The following PCDH11X variants were observed in gnomAD, a reference collection of about 807,000 sequenced individuals.
The protein encoded by PCDH11X is protocadherin-11 X-linked.
A neutral mutation model predicts 53.3 loss-of-function variants in PCDH11X; 18 were observed. The observed-to-expected ratio is 0.34, with a 90% CI of 0.23 to 0.50. The LOEUF is 0.50. Among genes scored for constraint, PCDH11X ranks in the 20% least tolerant of loss-of-function variants. PCDH11X has a pLI of 0.98. For missense variants in PCDH11X, 570 were observed against 1,032.4 expected (o/e 0.55, Z 6.14); for synonymous variants, 279 against 393.3 (o/e 0.71, Z 3.44).
intron 6 of PCDH11X, among the ~76,000 whole-genome samples, chrX:92,142,365 C>CGT (rs1569384014): frequency 2.8e-5 from 2 of 70,955 alleles, no homozygotes; most frequent in East Asian, 7.6e-4. Flanking sequence ...TGCATGTGCG[C>CGT]GCGCGCACAC....
chrX:92,218,604 A>T, intron 7 of PCDH11X, among the ~76,000 whole-genome samples: 1 of 111,364 alleles, frequency 9.0e-6, no homozygotes, highest in Non-Finnish European at 1.9e-5. Flanking sequence ...TCACAGCCGA[A>T]TTCTACCAGA....
chrX:92,272,823 G>A (rs767560205), intron 8 of PCDH11X, among the ~76,000 whole-genome samples: 22 of 112,245 alleles, frequency 2.0e-4, no homozygotes, highest in African/African-American at 6.5e-4. Flanking sequence ...TTCAAGGACC[G>A]CATTGTCTAG....
chrX:92,101,686 T>C (rs1035132032), intron 6 of PCDH11X, among the ~76,000 whole-genome samples: 1 of 110,213 alleles, frequency 9.1e-6, no homozygotes, highest in South Asian at 3.8e-4. Flanking sequence ...CTTTACTTAT[T>C]CAGTGAAAGT....
In PCDH11X at chrX:92,535,103, A is replaced by C. The variant is rs533345862; in HGVS notation, c.3367+66781A>C. 5.6e-4 allele frequency among the ~76,000 whole-genome samples: 63 copies of C among 112,401 alleles called. No homozygotes were observed. In the South Asian group the frequency reaches 0.01, roughly 18 times the overall value. On this transcript the variant is annotated intron_variant, in intron 10 of 10. Transcript: ENST00000682573. The stretch of plus-strand genomic sequence containing the variant: ...TGTAAATTAGCTCAACCATTGTGGA[A>C]AGTAGTGTGGTGATTCCTCAAAGAG...
chrX:92,566,087 A>C (rs1241751192), intron 10 of PCDH11X, among the ~76,000 whole-genome samples: 2 of 109,846 alleles, frequency 1.8e-5, no homozygotes, highest in Non-Finnish European at 3.8e-5. Context: ...ATTTCACAGG[A>C]AAAGTTCAAT....
intron 6 of PCDH11X, among the ~76,000 whole-genome samples, chrX:92,162,191 A>ATTT (rs36065112): frequency 1.2e-5 from 1 of 85,593 alleles, no homozygotes; most frequent in Non-Finnish European, 2.3e-5. Flanking sequence ...TGCTGTTTAG[A>ATTT]TTTTTTTTTT....
chrX:92,342,963 T>C (rs973250633), intron 8 of PCDH11X, among the ~76,000 whole-genome samples: 24 of 112,496 alleles, frequency 2.1e-4, no homozygotes, highest in African/African-American at 7.4e-4. Flanking sequence ...TGCTCTCCAA[T>C]TGCTAATATG....
At chrX:92,075,574 C>T (rs1346493104) in intron 6 of PCDH11X, among the ~76,000 whole-genome samples, 1 of 111,883 alleles carries the variant, frequency 8.9e-6, no homozygotes, top group East Asian at 2.8e-4. Flanking sequence ...TAAAGTGACT[C>T]AGACTAGGTA....
At chrX:92,263,394 A>T (rs1435795022) in intron 8 of PCDH11X, among the ~76,000 whole-genome samples, 1 of 111,831 alleles carries the variant, frequency 8.9e-6, no homozygotes, top group African/African-American at 3.2e-5. Context: ...AAAACAACAT[A>T]CTGTTGACAG....
At chrX:92,295,739 TTG>T (rs58402010) in intron 8 of PCDH11X, among the ~76,000 whole-genome samples, 3,044 of 71,464 alleles carry the variant, frequency 0.043, 143 homozygotes, top group East Asian at 0.26. Context: ...ACAGGTGTGT[TTG>T]TGTGTGTGTG....
At chrX:92,446,744 A>T (rs2072657621) in intron 9 of PCDH11X, among the ~76,000 whole-genome samples, 1 of 111,790 alleles carries the variant, frequency 8.9e-6, no homozygotes, top group African/African-American at 3.3e-5. Flanking sequence ...TGCTGAAAAG[A>T]TACCCGAAAA....
Position 91,957,479 on chromosome X carries a change from T to C in PCDH11X, c.3033+78206T>C, listed in dbSNP as rs1453038458. 2.0e-4 allele frequency among the ~76,000 whole-genome samples: 22 copies of C among 110,436 alleles called. 1 individual carries two copies. The highest frequency in any genetic ancestry group is 1.6e-3 in the Admixed American group (17 of 10,420). On this transcript the variant is annotated intron_variant, in intron 6 of 10. Transcript: ENST00000682573. The stretch of plus-strand genomic sequence containing the variant: ...TGTTGATGTTGTTGTTTTCTGTTTG[T>C]TTGTTTGTTTTCCTTTTGACAGTCA...
intron 6 of PCDH11X, among the ~76,000 whole-genome samples, chrX:92,135,726 G>A (rs752295626): frequency 9.4e-6 from 1 of 106,017 alleles, no homozygotes; most frequent in South Asian, 4.4e-4. Flanking sequence ...TTAGTCCTGT[G>A]ATCATTATGT....
rs749635281 is a variant in PCDH11X at position 91,828,212 on chromosome X, C to T, written c.-44-7249C>T. 2.5e-4 allele frequency among the ~76,000 whole-genome samples: 27 copies of T among 106,645 alleles called. No individual in the cohort carries two copies. The South Asian group carries it at 4.7e-3, about 19-fold the overall frequency. The allele number at this position is 106,645 out of a possible 115,157, so 92.6% of individuals were successfully genotyped here. A position where few individuals can be genotyped will look rare whatever the true frequency, so the allele number is the denominator to read the frequency against. ...TCAGCTCACTGCAAGCTCCGCCTCC[C>T]GGGTTCACGCCATTCTCCTGCCTCA... On this transcript the variant is annotated intron_variant, in intron 4 of 10. Coordinates refer to ENST00000682573, the MANE Select transcript of PCDH11X (RefSeq NM_032968.5).
chrX:92,030,781 A>G (rs1051056659), intron 6 of PCDH11X, among the ~76,000 whole-genome samples: 1 of 108,157 alleles, frequency 9.2e-6, no homozygotes, highest in Admixed American at 1.0e-4. Context: ...ACTTAACCCA[A>G]TGATCTTCAA....
Position 92,258,030 on chromosome X carries a change from G to T in PCDH11X, c.3115-5084G>T, listed in dbSNP as rs115364066. Among the ~76,000 whole-genome samples, 837 of 112,111 alleles carry T rather than the reference G, an allele frequency of 7.5e-3. 5 individuals are homozygous for T. Among genetic ancestry groups the T allele is most frequent in the African/African-American group, 0.025 (782 of 30,836 alleles). On this transcript the variant is annotated intron_variant, in intron 7 of 10. Transcript: ENST00000682573. ...TTCCATATGCCCTCTAAAATTCTAG[G>T]TAGTGGCTCTCAAGTCTCAACTTTT...
At chrX:92,490,726 A>G (rs1219807087) in intron 10 of PCDH11X, among the ~76,000 whole-genome samples, 1 of 90,720 alleles carries the variant, frequency 1.1e-5, no homozygotes, top group Admixed American at 1.3e-4. Context: ...GAAAGAAAGA[A>G]AGAGAGAAAG....
intron 5 of PCDH11X, among the ~76,000 whole-genome samples, chrX:91,840,053 G>A (rs1045731552): frequency 9.9e-5 from 11 of 110,728 alleles, no homozygotes; most frequent in Non-Finnish European, 2.1e-4. Flanking sequence ...AATATTGTAA[G>A]TATTTTTTGA....
chrX:91,944,469 T>G (rs913790209), intron 6 of PCDH11X, among the ~76,000 whole-genome samples: 2 of 103,834 alleles, frequency 1.9e-5, no homozygotes, highest in African/African-American at 3.5e-5. Context: ...TTTTAAAAAT[T>G]AAGAAACAAA....
Sources: gnomAD v4.1 joint callset for allele counts (sites outside exome capture counted in the v4.1 genomes callset) on GRCh38, gnomAD v4.1.1 for gene constraint, MANE v1.5 for transcripts, NCBI Gene and HGNC (gene_info 2026-07-23, HGNC 2026-07-21) for gene names.